The following PDS5A variants were observed in gnomAD, a reference collection of about 807,000 sequenced individuals.
PDS5A encodes sister chromatid cohesion protein PDS5 homolog A.
PDS5A carries 42 observed loss-of-function variants against 167.1 expected under a neutral mutation model. The observed-to-expected ratio is 0.25, with a 90% confidence interval of 0.20 to 0.33. The LOEUF (loss-of-function observed/expected upper bound fraction) is 0.33, where lower values mean the gene tolerates loss of function less well. PDS5A is among the 10% of genes least tolerant of loss of function. The pLI, the probability that PDS5A is intolerant of heterozygous loss-of-function variation, is 1.00. For missense variants in PDS5A, 1,033 were observed against 1,605.9 expected (o/e 0.64, Z 6.10); for synonymous variants, 553 against 554.6 (o/e 1.00, Z 0.04).
At position 39,837,839 on chromosome 4, in the gene PDS5A, A is replaced by G; in HGVS notation, c.4010+17T>C. Reference sequence around the variant, plus strand: ...AAATGTCTAAATTCCCACTTGAGGAAGAATGGCGTACATTACCTTTGTAAG... The same window carrying G: ...AAATGTCTAAATTCCCACTTGAGGAGGAATGGCGTACATTACCTTTGTAAG... On this transcript the variant is annotated intron_variant, in intron 32 of 32. Coordinates refer to ENST00000303538, the MANE Select transcript of PDS5A (RefSeq NM_001100399.2). 6.4e-7 allele frequency: 1 copy of G among 1,557,466 alleles called. No individual in the cohort carries two copies.
chr4:39,943,678 G>A (rs1051779477), intron 2 of PDS5A, among the ~76,000 whole-genome samples: 6 of 150,828 alleles, frequency 4.0e-5, no homozygotes, highest in East Asian at 3.9e-4. Context: ...GTGGTGGTGC[G>A]CACTTGTAAT....
At chr4:39,837,817 T>G (rs1203283813) in intron 32 of PDS5A, 39 bp downstream of exon 32, 3 of 1,464,322 alleles carry the variant, frequency 2.0e-6, no homozygotes, top group African/African-American at 2.8e-5. Context: ...TAAAACAAAA[T>G]GTCTAAATTC....
At chr4:39,974,562 G>T (rs553657086) in intron 2 of PDS5A, among the ~76,000 whole-genome samples, 2 of 151,884 alleles carry the variant, frequency 1.3e-5, no homozygotes, top group South Asian at 4.2e-4. Flanking sequence ...TTACTTTTTT[G>T]AGATGAAGTT....
intron 32 of PDS5A, 76 bp downstream of exon 32, chr4:39,837,780 T>C: frequency 9.4e-7 from 1 of 1,064,286 alleles, no homozygotes; most frequent in Non-Finnish European, 1.3e-6. Flanking sequence ...GTGTTTGGGG[T>C]GACTGGCACT....
At chr4:39,931,369 A>G (rs1726047808) in intron 2 of PDS5A, among the ~76,000 whole-genome samples, 1 of 152,162 alleles carries the variant, frequency 6.6e-6, no homozygotes, top group South Asian at 2.1e-4. Context: ...CAGTGCCTTA[A>G]AACAATAACA....
chr4:39,895,370 A>G (rs1393965676), intron 16 of PDS5A, among the ~76,000 whole-genome samples: 4 of 152,208 alleles, frequency 2.6e-5, no homozygotes, highest in Admixed American at 2.0e-4. Context: ...ACACAGTGGT[A>G]TTTGTGTATT....
chr4:39,927,953 G>GTA lies in PDS5A; in HGVS notation c.342+6_342+7dup, dbSNP rs1481510343. 3 of 1,591,984 alleles carry GTA rather than the reference G, an allele frequency of 1.9e-6. No homozygotes were observed. The highest frequency in any genetic ancestry group is 2.6e-6 in the Non-Finnish European group (3 of 1,160,018). Reference sequence around the variant, plus strand: ...AAAATACAATAAAGTGAAAAAGGCTGTATTTACCTTAAGTTTATCATGGGA... The same window carrying GTA: ...AAAATACAATAAAGTGAAAAAGGCTGTATATTTACCTTAAGTTTATCATGGGA... On this transcript the variant is annotated splice_region_variant and intron_variant, in intron 3 of 32. Coordinates refer to ENST00000303538, the MANE Select transcript of PDS5A (RefSeq NM_001100399.2).
chr4:39,848,751 C>T, intron 28 of PDS5A, 100 bp downstream of exon 28: 3 of 1,070,572 alleles, frequency 2.8e-6, no homozygotes, highest in Non-Finnish European at 4.2e-6. Flanking sequence ...TTTTTCTTTA[C>T]TCTGTGGTCA....
chr4:39,887,976 G>A (rs1721624935), intron 17 of PDS5A, among the ~76,000 whole-genome samples: 1 of 152,142 alleles, frequency 6.6e-6, no homozygotes, highest in Admixed American at 6.5e-5. Flanking sequence ...AACAGGCCAG[G>A]TGCAGTGGCT....
At chr4:39,915,057 AG>A (rs1203827562) in intron 8 of PDS5A, among the ~76,000 whole-genome samples, 1 of 151,476 alleles carries the variant, frequency 6.6e-6, no homozygotes, top group Non-Finnish European at 1.5e-5. Flanking sequence ...TTTTTTTAAG[AG>A]GTAAGAGTCT....
chr4:39,827,616 A>G (rs1715442234), intron 32 of PDS5A, among the ~76,000 whole-genome samples: 1 of 152,230 alleles, frequency 6.6e-6, no homozygotes, highest in African/African-American at 2.4e-5. Context: ...ATACGAACCC[A>G]CATGATGGGA....
chr4:39,857,230 T>TA (rs1434435496), intron 26 of PDS5A, among the ~76,000 whole-genome samples: 1 of 151,798 alleles, frequency 6.6e-6, no homozygotes, highest in African/African-American at 2.4e-5. Context: ...CAGGTGCCTG[T>TA]AGTCCCAGCT....
At chr4:39,848,376 TATTA>T (rs1371549509) in intron 28 of PDS5A, 1 of 157,562 alleles carries the variant, frequency 6.3e-6, no homozygotes, top group Admixed American at 6.1e-5. Context: ...ATGCACTGTA[TATTA>T]ATTAATAACA....
intron 2 of PDS5A, among the ~76,000 whole-genome samples, chr4:39,967,947 C>A (rs750453328): frequency 2.0e-5 from 3 of 151,660 alleles, no homozygotes; most frequent in Non-Finnish European, 2.9e-5. Flanking sequence ...ACAAAAAAAA[C>A]ACCAATAATT....
chr4:39,976,920 G>C (rs1731162108), intron 1 of PDS5A, among the ~76,000 whole-genome samples: 1 of 152,184 alleles, frequency 6.6e-6, no homozygotes, highest in African/African-American at 2.4e-5. Context: ...CCGAAGTTTG[G>C]CGGCCCCGGG....
At chr4:39,939,391 T>C (rs753239809) in intron 2 of PDS5A, among the ~76,000 whole-genome samples, 10 of 151,978 alleles carry the variant, frequency 6.6e-5, no homozygotes, top group Non-Finnish European at 1.0e-4. Context: ...CGCTTGAACC[T>C]AGGAGGGTGA....
chr4:39,898,511 C>A lies in PDS5A; in HGVS notation c.1648G>T (p.Gly550Trp). 1 of 1,581,848 alleles carries A rather than the reference C, an allele frequency of 6.3e-7. No homozygotes were observed. ...MTIAKNLPDP[G>W]KAQDFVKKFN... ...TTCTTCACAAAATCTTGTGCTTTCC[C>A]GGGGTCAGGCAAATTCTCTATAAAA... is the stretch of plus-strand genomic sequence containing the variant. Residue 550 changes from glycine to tryptophan, a missense_variant, in exon 16 of 33, where the codon GGG becomes TGG. Coordinates refer to ENST00000303538, the MANE Select transcript of PDS5A (RefSeq NM_001100399.2).
rs1717874929 is a variant in PDS5A at position 39,848,927 on chromosome 4, C to T, written c.3263G>A (p.Ser1088Asn). Reference protein sequence around the residue: ...VCDVALCVINSKSALCNADSP... With the variant: ...VCDVALCVINNKSALCNADSP... ...ATCTGCATTGCACAAAGCACTTTTA[C>T]TATTTATAACACAGAGAGCCACATC... The change falls in exon 28 of 33, where the codon AGT (serine) becomes AAT (asparagine). Residue 1088 changes from serine (S) to asparagine (N), a missense_variant. Coordinates refer to ENST00000303538, the MANE Select transcript of PDS5A (RefSeq NM_001100399.2). The T allele has an allele frequency of 6.2e-7, 1 of 1,604,412 alleles. No individual in the cohort carries two copies. The highest frequency in any genetic ancestry group is 8.5e-7 in the Non-Finnish European group (1 of 1,173,156).
At chr4:39,929,928 T>G (rs1240813783) in intron 2 of PDS5A, among the ~76,000 whole-genome samples, 1 of 150,036 alleles carries the variant, frequency 6.7e-6, no homozygotes, top group Admixed American at 6.7e-5. Flanking sequence ...AAAAAAAAAT[T>G]TGGGGGGCCG....
Sources: gnomAD v4.1 joint callset for allele counts (sites outside exome capture counted in the v4.1 genomes callset) on GRCh38, gnomAD v4.1.1 for gene constraint, MANE v1.5 for transcripts, NCBI Gene and HGNC (gene_info 2026-07-23, HGNC 2026-07-21) for gene names.